IMPG1: variants seen among roughly 807,000 people sequenced by gnomAD.
IMPG1 encodes the protein interphotoreceptor matrix proteoglycan of 150 kDa.
IMPG1 carries 85 observed loss-of-function variants against 92.0 expected under a neutral mutation model. The observed-to-expected ratio is 0.92, with a 90% CI of 0.78 to 1.11. The LOEUF (loss-of-function observed/expected upper bound fraction) is 1.11. Ranked by LOEUF, IMPG1 falls within the 50% of genes least tolerant of loss-of-function variation. IMPG1 has a pLI of 0.00. For missense variants in IMPG1, 1,022 were observed against 956.0 expected (o/e 1.07, Z -0.91); for synonymous variants, 367 against 334.1 (o/e 1.10, Z -1.08).
chr6:76,036,883 T>A (rs1446633076), intron 2 of IMPG1, among the ~76,000 whole-genome samples: 1 of 152,182 alleles, frequency 6.6e-6, no homozygotes, highest in Non-Finnish European at 1.5e-5. Context: ...AATTACATCC[T>A]ATTTATTAAT....
At chr6:75,987,868 C>T (rs919109060) in intron 12 of IMPG1, among the ~76,000 whole-genome samples, 5 of 152,156 alleles carry the variant, frequency 3.3e-5, no homozygotes, top group Non-Finnish European at 5.9e-5. Context: ...AGGATGGTTT[C>T]GATCTCCTGA....
At chr6:75,999,202 G>T (rs946122273) in intron 12 of IMPG1, among the ~76,000 whole-genome samples, 1 of 151,726 alleles carries the variant, frequency 6.6e-6, no homozygotes, top group African/African-American at 2.4e-5. Flanking sequence ...AAAAAGAATG[G>T]CTTGGGATCA....
intron 15 of IMPG1, among the ~76,000 whole-genome samples, chr6:75,926,390 G>A (rs1050200585): frequency 6.6e-6 from 1 of 152,126 alleles, no homozygotes; most frequent in African/African-American, 2.4e-5. Flanking sequence ...ACTATCCAGA[G>A]GGAAAAAAAC....
intron 8 of IMPG1, among the ~76,000 whole-genome samples, chr6:76,010,650 T>C (rs1220682742): frequency 6.6e-6 from 1 of 152,216 alleles, no homozygotes; most frequent in African/African-American, 2.4e-5. Flanking sequence ...TTAGAATGTC[T>C]TGCTTATGCT....
chr6:75,922,084 A>G lies in IMPG1; in HGVS notation c.*5T>C, dbSNP rs558995016. On this transcript the variant is annotated 3_prime_UTR_variant, in exon 17 of 17. Transcript: ENST00000369950. ...GCCTAAATGATAATTGTACATTTTC[A>G]GTTTTTAATTTCCTTCCCAATCTTG... 7 of 1,230,708 alleles carry G rather than the reference A, an allele frequency of 5.7e-6. No homozygotes were observed. The highest frequency in any genetic ancestry group is 3.0e-5 in the African/African-American group (2 of 67,636). The allele number at this position is 1,230,708 out of a possible 1,614,324, so 76.2% of individuals were successfully genotyped here. A position where few individuals can be genotyped will look rare whatever the true frequency, so the allele number is the denominator to read the frequency against.
At chr6:75,941,123 C>G (rs887107819) in intron 14 of IMPG1, among the ~76,000 whole-genome samples, 1 of 150,440 alleles carries the variant, frequency 6.6e-6, no homozygotes, top group Non-Finnish European at 1.5e-5. Flanking sequence ...GAGATGGGGT[C>G]GATTCATCTT....
intron 15 of IMPG1, among the ~76,000 whole-genome samples, chr6:75,925,983 T>A (rs1781542887): frequency 6.6e-6 from 1 of 152,126 alleles, no homozygotes; most frequent in Non-Finnish European, 1.5e-5. Context: ...TTTATTTGTT[T>A]AAAGGAAGTT....
chr6:75,927,002 C>G (rs895025519), intron 15 of IMPG1, among the ~76,000 whole-genome samples: 5 of 152,194 alleles, frequency 3.3e-5, no homozygotes, highest in African/African-American at 1.2e-4. Context: ...GGTAGAATAA[C>G]AAAAACGCAG....
intron 2 of IMPG1, among the ~76,000 whole-genome samples, chr6:76,041,449 A>G (rs1327733282): frequency 6.6e-6 from 1 of 152,232 alleles, no homozygotes; most frequent in East Asian, 1.9e-4. Context: ...GATCATCAAT[A>G]CACAAACTTA....
intron 14 of IMPG1, among the ~76,000 whole-genome samples, chr6:75,945,062 C>G (rs1781903068): frequency 1.3e-5 from 2 of 152,192 alleles, no homozygotes; most frequent in Admixed American, 1.3e-4. Flanking sequence ...CCACCTTTGG[C>G]TTCTTGGAAG....
chr6:75,945,283 G>A (rs147452053), intron 14 of IMPG1, among the ~76,000 whole-genome samples: 10 of 151,130 alleles, frequency 6.6e-5, no homozygotes, highest in African/African-American at 2.4e-4. Context: ...GCTATATTAA[G>A]TATTGTAAAT....
intron 12 of IMPG1, among the ~76,000 whole-genome samples, chr6:75,975,842 G>A (rs1477877695): frequency 1.3e-5 from 2 of 152,198 alleles, no homozygotes; most frequent in Non-Finnish European, 2.9e-5. Context: ...AGTAGCCATA[G>A]GCTATACGTA....
chr6:75,948,446 A>T (rs1435132017), intron 13 of IMPG1, among the ~76,000 whole-genome samples: 1 of 151,874 alleles, frequency 6.6e-6, no homozygotes, highest in East Asian at 1.9e-4. Flanking sequence ...TGTGACCCAC[A>T]CCTCCTTTTT....
chr6:76,066,488 C>T (rs574945690), intron 1 of IMPG1, among the ~76,000 whole-genome samples: 188 of 152,046 alleles, frequency 1.2e-3, no homozygotes, highest in African/African-American at 4.2e-3. Flanking sequence ...ATAATGATAA[C>T]GGGATCAATT....
chr6:76,016,596 T>A (rs1422632340), intron 7 of IMPG1, among the ~76,000 whole-genome samples: 1 of 152,224 alleles, frequency 6.6e-6, no homozygotes. Flanking sequence ...AGGTTAAGAA[T>A]GTTTCACTTA....
chr6:76,016,207 G>T (rs1394353602), intron 7 of IMPG1, among the ~76,000 whole-genome samples: 1 of 152,134 alleles, frequency 6.6e-6, no homozygotes, highest in African/African-American at 2.4e-5. Flanking sequence ...GTTAGGCCAG[G>T]GATCTCCAAT....
At chr6:76,038,584 C>T (rs1783783262) in intron 2 of IMPG1, among the ~76,000 whole-genome samples, 1 of 152,258 alleles carries the variant, frequency 6.6e-6, no homozygotes, top group South Asian at 2.1e-4. Flanking sequence ...ATCAAAGGAC[C>T]TCAGGGCTGG....
At chr6:76,041,838 G>T in intron 2 of IMPG1, 55 bp downstream of exon 2, 2 of 1,185,488 alleles carry the variant, frequency 1.7e-6, no homozygotes, top group South Asian at 1.2e-5. Context: ...ATGGATGAAT[G>T]AAAGGGAAGG....
At chr6:75,923,553 A>T in intron 16 of IMPG1, 81 bp downstream of exon 16, 1 of 719,168 alleles carries the variant, frequency 1.4e-6, no homozygotes. Flanking sequence ...TCTATTTAAA[A>T]TAAGAGGGAC....
Sources: gnomAD v4.1 joint callset for allele counts (sites outside exome capture counted in the v4.1 genomes callset) on GRCh38, gnomAD v4.1.1 for gene constraint, MANE v1.5 for transcripts, NCBI Gene and HGNC (gene_info 2026-07-23, HGNC 2026-07-21) for gene names.